The following SCN7A variants were observed in gnomAD, a reference collection of about 807,000 sequenced individuals.
The protein encoded by SCN7A is sodium channel protein type 7 subunit alpha.
Under a neutral mutation model 155.2 loss-of-function variants are expected in SCN7A, and 138 were observed. That is an observed-to-expected ratio of 0.89 (90% CI 0.77 to 1.02). The LOEUF (loss-of-function observed/expected upper bound fraction) is 1.02, where lower values mean the gene tolerates loss of function less well. Ranked by LOEUF, SCN7A falls within the 50% of genes least tolerant of loss-of-function variation. The pLI is 0.00. For missense variants in SCN7A, 2,058 were observed against 1,986.6 expected (o/e 1.04, Z -0.68); for synonymous variants, 693 against 649.0 (o/e 1.07, Z -1.03).
At chr2:166,415,015 A>G (rs1280009980) in intron 21 of SCN7A, among the ~76,000 whole-genome samples, 2 of 134,740 alleles carry the variant, frequency 1.5e-5, no homozygotes, top group Non-Finnish European at 3.1e-5. Context: ...AATATATATT[A>G]TTATATAGGA....
At chr2:166,418,027 C>T (rs1026061844) in intron 20 of SCN7A, among the ~76,000 whole-genome samples, 11 of 151,674 alleles carry the variant, frequency 7.3e-5, no homozygotes, top group East Asian at 3.8e-4. Context: ...GAAGCTGCTA[C>T]GGCAAATGCA....
chr2:166,478,972 A>G (rs558224438), intron 2 of SCN7A, among the ~76,000 whole-genome samples: 1 of 152,142 alleles, frequency 6.6e-6, no homozygotes, highest in Non-Finnish European at 1.5e-5. Flanking sequence ...TTACTCTTCC[A>G]ATGATTCTAT....
At chr2:166,424,106 CAT>C (rs1301000650) in intron 18 of SCN7A, among the ~76,000 whole-genome samples, 1 of 151,924 alleles carries the variant, frequency 6.6e-6, no homozygotes. Context: ...AAAATAATCT[CAT>C]ATAAAGAATG....
In SCN7A at chr2:166,432,434, G is replaced by A. The variant is rs768074584; in HGVS notation, c.2476C>T (p.Leu826Phe). ...TCTGAGACACTAGGACTGGGGATAAGTGATTGGCTCTCATTTTCAGTAGCG... is the reference window on the plus strand; with the variant it reads ...TCTGAGACACTAGGACTGGGGATAAATGATTGGCTCTCATTTTCAGTAGCG... ...KNATENESQSLIPSPSVSETV... is the reference protein window; with the variant it reads ...KNATENESQSFIPSPSVSETV... Residue 826 changes from leucine (L) to phenylalanine (F), a missense_variant, in exon 16 of 26, where the codon CTT becomes TTT. Leu to Phe is a conservative substitution (Grantham distance 22). Coordinates refer to ENST00000643258, the MANE Select transcript of SCN7A (RefSeq NM_002976.4). The A allele has an allele frequency of 1.2e-6, 2 of 1,613,610 alleles. No individual in the cohort carries two copies. The highest frequency in any genetic ancestry group is 1.7e-6 in the Non-Finnish European group (2 of 1,179,652).
intron 10 of SCN7A, 142 bp from the exon 11 acceptor site, chr2:166,457,218 C>T: frequency 1.6e-6 from 1 of 616,562 alleles, no homozygotes; most frequent in Non-Finnish European, 2.7e-6. Context: ...TGTTTAAGCA[C>T]TGGCTCCACC....
chr2:166,418,311 T>TC (rs1701435153), intron 20 of SCN7A, among the ~76,000 whole-genome samples: 1 of 138,296 alleles, frequency 7.2e-6, no homozygotes, highest in African/African-American at 2.7e-5. Flanking sequence ...TTTTTTTTTT[T>TC]AGTAGAGACG....
Position 166,406,478 on chromosome 2 carries a change from A to C in SCN7A, c.4151T>G (p.Ile1384Ser). ...GAACATGACCAGGAAGATGAGAAGA[A>C]TGATGTTCAATAATGCTGGGAGGGA... ...MLSLPALLNI[I>S]LLIFLVMFIY... Residue 1384 changes from isoleucine (I) to serine (S), a missense_variant, in exon 26 of 26, where the codon ATT (isoleucine) becomes AGT (serine). Ile to Ser is a moderately radical substitution (Grantham distance 142, BLOSUM62 -2). Transcript: ENST00000643258. 1 of 1,612,904 alleles carries C rather than the reference A, an allele frequency of 6.2e-7. No individual in the cohort carries two copies. The highest frequency in any genetic ancestry group is 8.5e-7 in the Non-Finnish European group (1 of 1,179,316).
intron 1 of SCN7A, among the ~76,000 whole-genome samples, chr2:166,488,519 A>G (rs1340182308): frequency 6.6e-6 from 1 of 152,204 alleles, no homozygotes; most frequent in Non-Finnish European, 1.5e-5. Context: ...GATTCATCTC[A>G]ATGAATATGA....
rs1701394311 is a variant in SCN7A, at chr2:166,417,065, T to G, written c.3136-80A>C. On this transcript the variant is annotated intron_variant, in intron 20 of 25. Coordinates refer to ENST00000643258, the MANE Select transcript of SCN7A (RefSeq NM_002976.4). ...TTTTGATCAGTTTGAAAAATACTAA[T>G]TGATAGAATAACATATTTAAAAAAA... is the stretch of plus-strand genomic sequence containing the variant. 2.8e-6 allele frequency: 3 copies of G among 1,087,368 alleles called. No individual in the cohort carries two copies. In the African/African-American group the frequency reaches 4.8e-5, roughly 17 times the overall value. The allele number at this position is 1,087,368 out of a possible 1,614,324, so 67.4% of individuals were successfully genotyped here.
At chr2:166,429,378 A>T in intron 16 of SCN7A, 104 bp from the exon 17 acceptor site, 1 of 702,252 alleles carries the variant, frequency 1.4e-6, no homozygotes, top group South Asian at 1.8e-5. Flanking sequence ...TTTGTACAGA[A>T]ATAATATTAT....
intron 14 of SCN7A, among the ~76,000 whole-genome samples, chr2:166,442,932 T>C (rs1701990473): frequency 6.6e-6 from 1 of 152,212 alleles, no homozygotes; most frequent in Non-Finnish European, 1.5e-5. Flanking sequence ...TAATTGTTCT[T>C]AATTCCTGCT....
At chr2:166,437,617 G>A (rs555870182) in intron 15 of SCN7A, among the ~76,000 whole-genome samples, 2 of 152,124 alleles carry the variant, frequency 1.3e-5, no homozygotes, top group Admixed American at 6.5e-5. Flanking sequence ...ACTTAACACC[G>A]GCCTGTGAAG....
intron 18 of SCN7A, among the ~76,000 whole-genome samples, chr2:166,423,846 T>C (rs930037031): frequency 6.6e-6 from 1 of 152,114 alleles, no homozygotes; most frequent in Non-Finnish European, 1.5e-5. Flanking sequence ...GAGAAACAGA[T>C]ATGTTTTTAA....
chr2:166,481,906 G>C (rs937233959), intron 2 of SCN7A, among the ~76,000 whole-genome samples: 2 of 152,128 alleles, frequency 1.3e-5, no homozygotes, highest in Admixed American at 1.3e-4. Flanking sequence ...GAAGCCAGAA[G>C]AGATTTGGCT....
intron 2 of SCN7A, among the ~76,000 whole-genome samples, chr2:166,478,025 T>C (rs1702840575): frequency 6.6e-6 from 1 of 151,930 alleles, no homozygotes; most frequent in Non-Finnish European, 1.5e-5. Flanking sequence ...AGATACTTTT[T>C]TCTGGCCAAA....
chr2:166,464,896 G>T (rs1045215413), intron 9 of SCN7A, among the ~76,000 whole-genome samples: 1 of 152,170 alleles, frequency 6.6e-6, no homozygotes, highest in Non-Finnish European at 1.5e-5. Flanking sequence ...AGACCTTGAA[G>T]AAATCATTGA....
chr2:166,486,639 C>G (rs757862808), intron 2 of SCN7A, among the ~76,000 whole-genome samples: 3 of 152,138 alleles, frequency 2.0e-5, no homozygotes, highest in Non-Finnish European at 2.9e-5. Context: ...GTGGCCCAAT[C>G]CAGACAGACT....
At chr2:166,406,688 C>T (rs1701084498) in intron 25 of SCN7A, 42 bp from the exon 26 acceptor site, 2 of 1,305,428 alleles carry the variant, frequency 1.5e-6, no homozygotes, top group Non-Finnish European at 2.1e-6. Flanking sequence ...ATTATTCAAA[C>T]ACAATAGTAT....
Position 166,475,614 on chromosome 2 carries a change from T to C in SCN7A, c.235-1270A>G, listed in dbSNP as rs76704925. On this transcript the variant is annotated intron_variant, in intron 3 of 25. Coordinates refer to ENST00000643258, the MANE Select transcript of SCN7A (RefSeq NM_002976.4). ...TTAAAAAGAGCCAAAGTAAATCTGA[T>C]TTTTTAAAATGTGCTTTTCATGCTA... is the stretch of plus-strand genomic sequence containing the variant. 6.1e-3 allele frequency among the ~76,000 whole-genome samples: 923 copies of C among 151,970 alleles called. 4 individuals carry two copies. Among genetic ancestry groups the C allele is most frequent in the African/African-American group, 0.021 (886 of 41,522 alleles).
Sources: gnomAD v4.1 joint callset for allele counts (sites outside exome capture counted in the v4.1 genomes callset) on GRCh38, gnomAD v4.1.1 for gene constraint, MANE v1.5 for transcripts, NCBI Gene and HGNC (gene_info 2026-07-23, HGNC 2026-07-21) for gene names.